The following MAPK10 variants were observed in gnomAD, a reference collection of about 807,000 sequenced individuals.
MAPK10 encodes mitogen-activated protein kinase 10, also known as JNK3 alpha protein kinase.
A neutral mutation model predicts 59.3 loss-of-function variants in MAPK10; 25 were observed. That is an observed-to-expected ratio of 0.42 (90% CI 0.31 to 0.59). MAPK10 has a LOEUF of 0.59. Among genes scored for constraint, MAPK10 ranks in the 20% least tolerant of loss-of-function variants. The pLI, the probability that MAPK10 is intolerant of heterozygous loss-of-function variation, is 0.15. For missense variants in MAPK10, 351 were observed against 568.9 expected (o/e 0.62, Z 3.90); for synonymous variants, 190 against 200.5 (o/e 0.95, Z 0.44).
chr4:86,019,613 G>A (rs755425712), intron 13 of MAPK10, among the ~76,000 whole-genome samples: 17 of 151,950 alleles, frequency 1.1e-4, no homozygotes, highest in Non-Finnish European at 1.6e-4. Flanking sequence ...TTTCACCCCC[G>A]ATTCTGGATT....
intron 5 of MAPK10, among the ~76,000 whole-genome samples, chr4:86,106,547 G>A (rs1385318998): frequency 6.6e-6 from 1 of 151,024 alleles, no homozygotes; most frequent in Non-Finnish European, 1.5e-5. Context: ...AGAAGAAGTG[G>A]AGCACAGAAA....
rs572366330 is a variant in MAPK10, at chr4:86,107,117, G to A, written c.366+106C>T. 2.0e-4 allele frequency: 168 copies of A among 819,516 alleles called. 1 individual carries two copies. The South Asian group carries it at 2.7e-3, about 13-fold the overall frequency. The allele number at this position is 819,516 out of a possible 1,614,324, so 50.8% of individuals were successfully genotyped here. On this transcript the variant is annotated intron_variant, in intron 5 of 13. Coordinates refer to ENST00000641462, the MANE Select transcript of MAPK10 (RefSeq NM_138982.4). ...GCAGGATAAACAATCTTAAGAGGCA[G>A]GAATTGCAAAGCAAAGAAAGCCTTT...
At position 86,299,298 on chromosome 4, in the gene MAPK10, G is replaced by A. The variant is rs532894271; in HGVS notation, c.-7+55232C>T. On this transcript the variant is annotated intron_variant, in intron 2 of 13. Coordinates refer to ENST00000641462, the MANE Select transcript of MAPK10 (RefSeq NM_138982.4). Reference sequence around the variant, plus strand: ...TATATTTAAGTCATCTCATTACACTGTGCTATGGTCTGAATGTCTATGTCA... The same window carrying A: ...TATATTTAAGTCATCTCATTACACTATGCTATGGTCTGAATGTCTATGTCA... 2.0e-5 allele frequency among the ~76,000 whole-genome samples: 3 copies of A among 152,268 alleles called. No individual in the cohort carries two copies. The South Asian group carries it at 6.2e-4, about 32-fold the overall frequency.
chr4:86,399,018 C>A (rs1029291784), intron 1 of MAPK10, among the ~76,000 whole-genome samples: 1 of 152,276 alleles, frequency 6.6e-6, no homozygotes, highest in African/African-American at 2.4e-5. Context: ...TGCTGGGCAC[C>A]TGGGTTGATT....
At chr4:86,533,808 C>G (rs576242377) in intron 1 of MAPK10, among the ~76,000 whole-genome samples, 1 of 152,328 alleles carries the variant, frequency 6.6e-6, no homozygotes, top group African/African-American at 2.4e-5. Flanking sequence ...TATTCACTAT[C>G]CCACTGTTGG....
intron 1 of MAPK10, among the ~76,000 whole-genome samples, chr4:86,492,907 A>T (rs1034077579): frequency 2.6e-5 from 4 of 152,230 alleles, no homozygotes; most frequent in African/African-American, 9.6e-5. Flanking sequence ...CAAACTAAAT[A>T]TGGCCTGAGA....
chr4:86,350,968 T>C (rs1227591484), intron 2 of MAPK10, among the ~76,000 whole-genome samples: 1 of 152,170 alleles, frequency 6.6e-6, no homozygotes, highest in Admixed American at 6.5e-5. Flanking sequence ...TGGTTGTTAT[T>C]TCTTTGCATT....
At chr4:86,184,249 T>A (rs1020658401) in intron 3 of MAPK10, among the ~76,000 whole-genome samples, 1 of 152,220 alleles carries the variant, frequency 6.6e-6, no homozygotes, top group African/African-American at 2.4e-5. Flanking sequence ...GCCTAGGTTT[T>A]CTTCTAGGGT....
At chr4:86,564,869 G>A (rs556636244) in intron 1 of MAPK10, among the ~76,000 whole-genome samples, 6 of 152,226 alleles carry the variant, frequency 3.9e-5, no homozygotes, top group Admixed American at 6.5e-5. Context: ...GCTTAGGCTC[G>A]TGGAACAATC....
Position 86,016,721 on chromosome 4 carries a change from C to T in MAPK10, c.*507G>A, listed in dbSNP as rs958. ...CAGTGCATTATGTCTTGGTAGAGCCCTGAGGACACTGACAGTAGCATCTCT... is the reference window on the plus strand; with the variant it reads ...CAGTGCATTATGTCTTGGTAGAGCCTTGAGGACACTGACAGTAGCATCTCT... On this transcript the variant is annotated 3_prime_UTR_variant, in exon 14 of 14. Transcript: ENST00000641462. 31,250 of 157,020 alleles carry T rather than the reference C, an allele frequency of 0.2. 3,289 individuals are homozygous for T. The highest frequency in any genetic ancestry group is 0.25 in the East Asian group (1,348 of 5,292). The allele number at this position is 157,020 out of a possible 1,614,324, so 9.7% of individuals were successfully genotyped here.
intron 3 of MAPK10, among the ~76,000 whole-genome samples, chr4:86,171,353 C>T (rs568774612): frequency 1.3e-5 from 2 of 151,880 alleles, no homozygotes; most frequent in Non-Finnish European, 2.9e-5. Flanking sequence ...AGAATCAAAA[C>T]TTTTGGTACT....
At chr4:86,477,135 GT>G (rs1174751885) in intron 1 of MAPK10, among the ~76,000 whole-genome samples, 6 of 152,096 alleles carry the variant, frequency 3.9e-5, no homozygotes. Context: ...ACAGTGGAGG[GT>G]AAGTCCATCC....
chr4:86,490,836 G>A (rs1358206384), intron 1 of MAPK10, among the ~76,000 whole-genome samples: 2 of 152,156 alleles, frequency 1.3e-5, no homozygotes, highest in East Asian at 1.9e-4. Flanking sequence ...TCTGATTCCC[G>A]TGTCTATCTA....
intron 1 of MAPK10, among the ~76,000 whole-genome samples, chr4:86,571,388 C>T (rs889216215): frequency 6.8e-6 from 1 of 146,326 alleles, no homozygotes; most frequent in African/African-American, 2.5e-5. Context: ...AATAGAACAC[C>T]TATATGAGCT....
chr4:86,208,499 T>C (rs1425505859), intron 2 of MAPK10, among the ~76,000 whole-genome samples: 2 of 150,370 alleles, frequency 1.3e-5, no homozygotes, highest in African/African-American at 2.5e-5. Context: ...CACATGATTA[T>C]CTCAATAGAT....
chr4:86,288,097 C>T (rs2095088071), intron 2 of MAPK10, among the ~76,000 whole-genome samples: 1 of 152,090 alleles, frequency 6.6e-6, no homozygotes, highest in Non-Finnish European at 1.5e-5. Context: ...AATAGCACCA[C>T]CTCTCTGGAC....
intron 1 of MAPK10, among the ~76,000 whole-genome samples, chr4:86,439,377 G>A (rs1749151805): frequency 6.6e-6 from 1 of 152,096 alleles, no homozygotes; most frequent in South Asian, 2.1e-4. Context: ...AGCCTGTTCA[G>A]TATTAATGCA....
intron 13 of MAPK10, 64 bp downstream of exon 13, chr4:86,029,133 C>A (rs1321465843): frequency 9.7e-7 from 1 of 1,035,920 alleles, no homozygotes; most frequent in African/African-American, 1.6e-5. Context: ...TCTTGCAACC[C>A]CTACACAAAG....
chr4:86,364,574 T>G (rs1313283501), upstream of MAPK10, among the ~76,000 whole-genome samples: 1 of 152,230 alleles, frequency 6.6e-6, no homozygotes, highest in East Asian at 1.9e-4. Context: ...AAAAAATCTT[T>G]TAAGTCTATT....
Sources: gnomAD v4.1 joint callset for allele counts (sites outside exome capture counted in the v4.1 genomes callset) on GRCh38, gnomAD v4.1.1 for gene constraint, MANE v1.5 for transcripts, NCBI Gene and HGNC (gene_info 2026-07-23, HGNC 2026-07-21) for gene names.